The following CPEB3 variants were observed in gnomAD, a reference collection of about 807,000 sequenced individuals.
CPEB3 encodes cytoplasmic polyadenylation element-binding protein 3.
A neutral mutation model predicts 67.2 loss-of-function variants in CPEB3; 20 were observed. The ratio of observed to expected loss-of-function variants is 0.30; its 90% CI spans 0.21 to 0.43. CPEB3 has a LOEUF of 0.43. CPEB3 is among the 20% of genes least tolerant of loss of function. The pLI is 1.00. For missense variants in CPEB3, 746 were observed against 968.6 expected (o/e 0.77, Z 3.05); for synonymous variants, 376 against 393.1 (o/e 0.96, Z 0.51).
intron 6 of CPEB3, chr10:92,137,496 A>C: frequency 9.4e-7 from 1 of 1,059,000 alleles, no homozygotes; most frequent in Non-Finnish European, 1.4e-6. Flanking sequence ...TATCAGCCAC[A>C]AGGCCTTCTG....
chr10:92,192,829 G>T (rs990889906), intron 2 of CPEB3, among the ~76,000 whole-genome samples, 193 bp from the exon 3 acceptor site: 4 of 152,010 alleles, frequency 2.6e-5, no homozygotes, highest in African/African-American at 9.7e-5. Context: ...TGTTTCCCAG[G>T]CTGGTCTCGA....
At chr10:92,107,683 A>G (rs1435143379) in intron 7 of CPEB3, among the ~76,000 whole-genome samples, 1 of 151,930 alleles carries the variant, frequency 6.6e-6, no homozygotes, top group Admixed American at 6.6e-5. Context: ...TGCCTGGGAT[A>G]CCTGAGCTAT....
At chr10:92,107,743 T>C (rs1386000520) in intron 7 of CPEB3, among the ~76,000 whole-genome samples, 1 of 152,130 alleles carries the variant, frequency 6.6e-6, no homozygotes, top group Non-Finnish European at 1.5e-5. Context: ...ATCTAGAAGC[T>C]CCTCAATACC....
intron 7 of CPEB3, among the ~76,000 whole-genome samples, chr10:92,104,285 A>G (rs1844329464): frequency 1.3e-5 from 2 of 152,154 alleles, no homozygotes; most frequent in African/African-American, 4.8e-5. Flanking sequence ...AGTATTCTTC[A>G]GAACACACTC....
chr10:92,147,554 A>T (rs1846745983), intron 4 of CPEB3, among the ~76,000 whole-genome samples: 1 of 152,310 alleles, frequency 6.6e-6, no homozygotes, highest in Non-Finnish European at 1.5e-5. Flanking sequence ...ATATTCACCC[A>T]TATTTCAGTG....
intron 6 of CPEB3, among the ~76,000 whole-genome samples, chr10:92,115,044 C>T (rs570797485): frequency 2.0e-5 from 3 of 152,348 alleles, no homozygotes; most frequent in African/African-American, 7.2e-5. Context: ...TTCTCCGCCC[C>T]GGCGGCCGCG....
intron 8 of CPEB3, among the ~76,000 whole-genome samples, chr10:92,091,498 T>C (rs1365518576): frequency 6.6e-6 from 1 of 151,890 alleles, no homozygotes; most frequent in African/African-American, 2.4e-5. Context: ...TTAAAAAAGA[T>C]TTCTGTCATA....
intron 6 of CPEB3, among the ~76,000 whole-genome samples, chr10:92,139,860 G>A (rs1415213175): frequency 1.3e-5 from 2 of 152,006 alleles, no homozygotes; most frequent in Non-Finnish European, 2.9e-5. Flanking sequence ...GGATCATGAG[G>A]TCAGGAGTTC....
intron 1 of CPEB3, among the ~76,000 whole-genome samples, chr10:92,252,948 G>A (rs1852361741): frequency 6.6e-6 from 1 of 151,488 alleles, no homozygotes; most frequent in Non-Finnish European, 1.5e-5. Flanking sequence ...TTTTGAGACA[G>A]GGTCTCGCTC....
At chr10:92,074,802 G>C (rs550958306) in intron 9 of CPEB3, among the ~76,000 whole-genome samples, 3 of 152,276 alleles carry the variant, frequency 2.0e-5, no homozygotes, top group Non-Finnish European at 2.9e-5. Context: ...AGTATAAAAA[G>C]CTCGCTCTCG....
intron 1 of CPEB3, among the ~76,000 whole-genome samples, chr10:92,285,472 T>C (rs1444690916): frequency 6.6e-6 from 1 of 152,136 alleles, no homozygotes; most frequent in Non-Finnish European, 1.5e-5. Flanking sequence ...AGTTTCACCA[T>C]GTTGGCCAGG....
At chr10:92,288,902 A>G (rs887540974) in intron 1 of CPEB3, among the ~76,000 whole-genome samples, 3 of 152,176 alleles carry the variant, frequency 2.0e-5, no homozygotes, top group South Asian at 2.1e-4. Flanking sequence ...TAAGTACACA[A>G]TAAGGTTAGA....
chr10:92,055,193 A>AT (rs1842065483), intron 9 of CPEB3, among the ~76,000 whole-genome samples: 1 of 152,236 alleles, frequency 6.6e-6, no homozygotes, highest in Non-Finnish European at 1.5e-5. Flanking sequence ...AGTATTAATA[A>AT]AACAGCACCT....
chr10:92,063,764 A>C (rs1213499492), intron 9 of CPEB3, among the ~76,000 whole-genome samples: 1 of 76,026 alleles, frequency 1.3e-5, no homozygotes, highest in Non-Finnish European at 2.8e-5. Flanking sequence ...CTCAGTATCC[A>C]AAAAAAAAAA....
In CPEB3 at chr10:92,199,841, T is replaced by G. The variant is rs115302026; in HGVS notation, c.1006-7205A>C. ...AAGAGCAATGAAAATGCCTTATCTG[T>G]TTTTAAATAGATATTCATTACATAA... On this transcript the variant is annotated intron_variant, in intron 2 of 9. Coordinates refer to ENST00000265997, the MANE Select transcript of CPEB3 (RefSeq NM_014912.5). 5.7e-3 allele frequency among the ~76,000 whole-genome samples: 860 copies of G among 152,208 alleles called. 9 individuals carry two copies. The highest frequency in any genetic ancestry group is 0.02 in the African/African-American group (820 of 41,520).
intron 6 of CPEB3, among the ~76,000 whole-genome samples, chr10:92,132,317 C>G (rs1845880464): frequency 6.6e-6 from 1 of 152,120 alleles, no homozygotes; most frequent in Non-Finnish European, 1.5e-5. Flanking sequence ...ATCTGTCAAG[C>G]TACCTGAAAA....
chr10:92,152,761 C>A (rs926008301), intron 4 of CPEB3, among the ~76,000 whole-genome samples: 1 of 152,138 alleles, frequency 6.6e-6, no homozygotes, highest in African/African-American at 2.4e-5. Flanking sequence ...TCAGAGGTGA[C>A]CTCCCCTATT....
chr10:92,189,861 C>T (rs76106049), intron 3 of CPEB3, among the ~76,000 whole-genome samples: 1,559 of 150,422 alleles, frequency 0.01, 21 homozygotes, highest in African/African-American at 0.036. Flanking sequence ...TTTTACTTTC[C>T]TTTTCGTCCT....
rs550150917 is a variant in CPEB3 at position 92,256,522 on chromosome 10, G to T, written c.-11-16161C>A. Among the ~76,000 whole-genome samples, 5 of 151,810 alleles carry T rather than the reference G, an allele frequency of 3.3e-5. No homozygotes were observed. The East Asian group carries it at 5.8e-4, about 18-fold the overall frequency. On this transcript the variant is annotated intron_variant, in intron 1 of 9. Transcript: ENST00000265997. ...TCCTGCCTCAGCCTCCTGAGTAGCTGGGACTACAGGCACGTGCCACCACAC... is the reference window on the plus strand; with the variant it reads ...TCCTGCCTCAGCCTCCTGAGTAGCTTGGACTACAGGCACGTGCCACCACAC...
Sources: allele counts gnomAD v4.1 joint callset (sites outside exome capture counted in the v4.1 genomes callset), GRCh38; gene constraint gnomAD v4.1.1; transcripts MANE v1.5; gene names NCBI Gene and HGNC (gene_info 2026-07-23, HGNC 2026-07-21).